GRIK2: variants seen among roughly 807,000 people sequenced by gnomAD.
The protein encoded by GRIK2 is glutamate ionotropic receptor kainate type subunit 2.
In GRIK2, 32 loss-of-function variants were observed where a neutral mutation model predicts 100.3. The ratio of observed to expected loss-of-function variants is 0.32; its 90% CI spans 0.24 to 0.43. GRIK2 has a LOEUF of 0.43. Ranked by LOEUF, GRIK2 falls within the 20% of genes least tolerant of loss-of-function variation. The probability of loss-of-function intolerance (pLI) is 1.00; values close to 1 mark genes in which losing one functional copy is unlikely to be tolerated. For missense variants in GRIK2, 843 were observed against 1,114.9 expected, an observed-to-expected ratio of 0.76 and a Z score of 3.47; for synonymous variants, 417 against 389.4, an observed-to-expected ratio of 1.07 and a Z score of -0.83.
chr6:101,539,015 GAAAA>G (rs537867253), intron 2 of GRIK2, among the ~76,000 whole-genome samples: 2 of 148,036 alleles, frequency 1.4e-5, no homozygotes, highest in Non-Finnish European at 3.0e-5. Flanking sequence ...CTGGCATGTT[GAAAA>G]AAAAAGAGAA....
intron 2 of GRIK2, among the ~76,000 whole-genome samples, chr6:101,588,445 T>A (rs891648903): frequency 6.5e-5 from 4 of 61,880 alleles, no homozygotes; most frequent in Non-Finnish European, 9.2e-5. Context: ...GCCATAAATA[T>A]CTTTATGTTC....
chr6:101,888,046 G>T (rs1003689638), intron 11 of GRIK2, among the ~76,000 whole-genome samples: 3 of 152,006 alleles, frequency 2.0e-5, no homozygotes, highest in African/African-American at 4.8e-5. Context: ...TACTCCCTCT[G>T]TCTGCACTCT....
intron 2 of GRIK2, among the ~76,000 whole-genome samples, chr6:101,436,289 T>C (rs980266959): frequency 4.6e-5 from 7 of 152,294 alleles, no homozygotes; most frequent in Non-Finnish European, 1.0e-4. Flanking sequence ...GAGGTTCATG[T>C]ATATTTTATT....
intron 2 of GRIK2, among the ~76,000 whole-genome samples, chr6:101,521,751 T>C (rs541223057): frequency 6.6e-6 from 1 of 152,116 alleles, no homozygotes; most frequent in East Asian, 1.9e-4. Flanking sequence ...GTTGTGGTTG[T>C]ACATTGGTGT....
chr6:101,489,856 T>G (rs2128266248), intron 2 of GRIK2, among the ~76,000 whole-genome samples: 1 of 146,872 alleles, frequency 6.8e-6, no homozygotes, highest in Non-Finnish European at 1.5e-5. Context: ...AAAATAAAGG[T>G]ACTATATAGA....
intron 2 of GRIK2, among the ~76,000 whole-genome samples, chr6:101,565,770 C>G (rs1041090843): frequency 6.6e-6 from 1 of 151,602 alleles, no homozygotes; most frequent in African/African-American, 2.4e-5. Context: ...TCATGTATAA[C>G]TTTTGACTCC....
intron 7 of GRIK2, among the ~76,000 whole-genome samples, chr6:101,734,555 T>G (rs987458764): frequency 6.6e-6 from 1 of 152,148 alleles, no homozygotes; most frequent in African/African-American, 2.4e-5. Context: ...ACACCAAGAA[T>G]CATGTTTGTC....
At chr6:101,481,022 C>T (rs1051761903) in intron 2 of GRIK2, among the ~76,000 whole-genome samples, 3 of 152,092 alleles carry the variant, frequency 2.0e-5, no homozygotes, top group Admixed American at 6.6e-5. Flanking sequence ...ACAAGCCTAT[C>T]GCTAAACCTG....
At chr6:102,015,069 A>G (rs535251829) in intron 14 of GRIK2, among the ~76,000 whole-genome samples, 1 of 152,250 alleles carries the variant, frequency 6.6e-6, no homozygotes. Context: ...ATTTTGTGGG[A>G]ATCTAAGTCT....
At chr6:101,921,834 G>C (rs914308465) in intron 12 of GRIK2, among the ~76,000 whole-genome samples, 6 of 151,958 alleles carry the variant, frequency 3.9e-5, no homozygotes, top group African/African-American at 1.5e-4. Context: ...AGAGCAAATT[G>C]GAAATTCATA....
intron 11 of GRIK2, among the ~76,000 whole-genome samples, chr6:101,878,363 A>G (rs1233680593): frequency 6.6e-6 from 1 of 150,792 alleles, no homozygotes; most frequent in Non-Finnish European, 1.5e-5. Flanking sequence ...TATTTAGTCT[A>G]GTGCATATAA....
At chr6:101,637,228 G>C (rs1263839026) in intron 4 of GRIK2, among the ~76,000 whole-genome samples, 1 of 151,832 alleles carries the variant, frequency 6.6e-6, no homozygotes, top group Non-Finnish European at 1.5e-5. Flanking sequence ...CCTGTATGCT[G>C]TAGACTCACC....
chr6:101,965,248 T>C (rs752384775), intron 14 of GRIK2, among the ~76,000 whole-genome samples: 6 of 152,170 alleles, frequency 3.9e-5, no homozygotes, highest in African/African-American at 1.2e-4. Flanking sequence ...ATCTTAGGTG[T>C]CCTCCTGTAA....
At chr6:102,040,399 C>T (rs987583321) in intron 15 of GRIK2, among the ~76,000 whole-genome samples, 6 of 151,496 alleles carry the variant, frequency 4.0e-5, no homozygotes, top group African/African-American at 1.4e-4. Context: ...CATTAATAAT[C>T]CTCAAGTAAC....
intron 2 of GRIK2, among the ~76,000 whole-genome samples, chr6:101,542,776 G>GA (rs1776065201): frequency 6.6e-6 from 1 of 151,950 alleles, no homozygotes; most frequent in African/African-American, 2.4e-5. Context: ...ACTAAATTTT[G>GA]AAAAATTAAT....
chr6:101,698,364 A>C (rs1398534102), intron 7 of GRIK2, among the ~76,000 whole-genome samples: 1 of 152,172 alleles, frequency 6.6e-6, no homozygotes, highest in African/African-American at 2.4e-5. Flanking sequence ...TGTTTCAGAC[A>C]AAAATGAAAT....
At chr6:102,060,927 CA>C (rs1771719835) in intron 16 of GRIK2, among the ~76,000 whole-genome samples, 1 of 150,384 alleles carries the variant, frequency 6.6e-6, no homozygotes, top group African/African-American at 2.4e-5. Flanking sequence ...TTGTTCTTCA[CA>C]AGTTAAAAAG....
At chr6:101,970,169 C>G (rs1300573109) in intron 14 of GRIK2, among the ~76,000 whole-genome samples, 1 of 151,518 alleles carries the variant, frequency 6.6e-6, no homozygotes, top group African/African-American at 2.4e-5. Flanking sequence ...AAAAATAAAC[C>G]AATCAATCAA....
At chr6:102,060,596 G>C (rs189686071) in intron 16 of GRIK2, among the ~76,000 whole-genome samples, 1 of 150,666 alleles carries the variant, frequency 6.6e-6, no homozygotes, top group Admixed American at 6.6e-5. Flanking sequence ...TATACTTTTG[G>C]GGTAAGGTAT....
Sources: allele counts gnomAD v4.1 joint callset (sites outside exome capture counted in the v4.1 genomes callset), GRCh38; gene constraint gnomAD v4.1.1; transcripts MANE v1.5; gene names NCBI Gene and HGNC (gene_info 2026-07-23, HGNC 2026-07-21).